EIF3I: variants seen among roughly 807,000 people sequenced by gnomAD.
EIF3I encodes the protein eukaryotic translation initiation factor 3 subunit I.
In EIF3I, 20 loss-of-function variants were observed where a neutral mutation model predicts 43.3. The ratio of observed to expected loss-of-function variants is 0.46; its 90% CI spans 0.32 to 0.67. The LOEUF (loss-of-function observed/expected upper bound fraction) is 0.67, where lower values mean the gene tolerates loss of function less well. Ranked by LOEUF, EIF3I falls within the 30% of genes least tolerant of loss-of-function variation. The pLI, the probability that EIF3I is intolerant of heterozygous loss-of-function variation, is 0.03. For synonymous variants in EIF3I, 167 were observed against 151.7 expected, an observed-to-expected ratio of 1.10 and a Z score of -0.74; for missense variants, 279 against 421.4, an observed-to-expected ratio of 0.66 and a Z score of 2.96.
intron 9 of EIF3I, among the ~76,000 whole-genome samples, chr1:32,230,025 A>G (rs536702022): frequency 6.6e-6 from 1 of 152,304 alleles, no homozygotes; most frequent in East Asian, 1.9e-4. Flanking sequence ...TCAGGCAGAC[A>G]TCTGGGTCCA....
At chr1:32,227,901 C>T (rs1639171624) in intron 6 of EIF3I, among the ~76,000 whole-genome samples, 2 of 152,232 alleles carry the variant, frequency 1.3e-5, no homozygotes, top group Admixed American at 1.3e-4. Context: ...TCCCTTCCCC[C>T]ATGGGGAGAC....
intron 2 of EIF3I, 144 bp downstream of exon 2, chr1:32,222,774 G>A: frequency 1.2e-6 from 1 of 805,532 alleles, no homozygotes; most frequent in Non-Finnish European, 2.0e-6. Flanking sequence ...GGGTAGGTTG[G>A]CGAAAGTATT....
chr1:32,232,340 TACTAGGC>T (rs1233038619), downstream of EIF3I, among the ~76,000 whole-genome samples: 2 of 152,212 alleles, frequency 1.3e-5, no homozygotes, highest in African/African-American at 4.8e-5. Flanking sequence ...TCAGATCTTG[TACTAGGC>T]ACTAGAATAA....
At chr1:32,229,007 G>T in intron 8 of EIF3I, 128 bp from the exon 9 acceptor site, 1 of 1,159,248 alleles carries the variant, frequency 8.6e-7, no homozygotes, top group East Asian at 2.4e-5. Context: ...AGAAGTGTCT[G>T]ATCATCCCCT....
At chr1:32,223,222 C>A (rs377633525) in intron 2 of EIF3I, among the ~76,000 whole-genome samples, 2 of 152,178 alleles carry the variant, frequency 1.3e-5, no homozygotes, top group African/African-American at 4.8e-5. Context: ...TAAGTCAATC[C>A]CATCCTGCTA....
chr1:32,226,510 C>G, exon 6 of EIF3I: 1 of 1,572,160 alleles, frequency 6.4e-7, no homozygotes, highest in Non-Finnish European at 8.6e-7. Context: ...GAGTGGAGAG[C>G]TCAACCAGTA....
At chr1:32,226,826 T>G (rs1309743724) in intron 6 of EIF3I, among the ~76,000 whole-genome samples, 1 of 106,402 alleles carries the variant, frequency 9.4e-6, no homozygotes, top group Non-Finnish European at 2.0e-5. Context: ...GCTCGTGGCT[T>G]TTTTTTTTTT....
At chr1:32,230,757 G>A (rs546819831) in intron 10 of EIF3I, among the ~76,000 whole-genome samples, 170 bp from the exon 10 acceptor site, 42 of 152,272 alleles carry the variant, frequency 2.8e-4, no homozygotes, top group South Asian at 1.7e-3. Flanking sequence ...CCAGGAGGGG[G>A]AGGTTCCAGT....
Position 32,226,400 on chromosome 1 carries a change from C to T in EIF3I, c.401-3C>T. The T allele has an allele frequency of 1.4e-5, 22 of 1,607,950 alleles. No homozygotes were observed. The highest frequency in any genetic ancestry group is 1.9e-5 in the Non-Finnish European group (22 of 1,177,328). Reference sequence around the variant, plus strand: ...AGGGCCTAACATCTACTGCCCCACACAGACAACAATGAGCCCTACATGAAG... The same window carrying T: ...AGGGCCTAACATCTACTGCCCCACATAGACAACAATGAGCCCTACATGAAG... On this transcript the variant is annotated splice_region_variant and splice_polypyrimidine_tract_variant and intron_variant, in intron 5 of 11. Transcript: ENST00000676679.
chr1:32,229,186 A>C (rs2124266988), exon 9 of EIF3I: 1 of 1,614,186 alleles, frequency 6.2e-7, no homozygotes, highest in East Asian at 2.2e-5. Context: ...AACCTCCACC[A>C]GGATTGGCAA....
chr1:32,230,461 A>T (rs989144217), intron 10 of EIF3I, among the ~76,000 whole-genome samples: 5 of 151,616 alleles, frequency 3.3e-5, no homozygotes, highest in Non-Finnish European at 5.9e-5. Context: ...GCCTCAAGTG[A>T]TCCACCCGCC....
At chr1:32,226,566 A>AT in intron 6 of EIF3I, 36 bp downstream of exon 6, 1 of 1,402,614 alleles carries the variant, frequency 7.1e-7, no homozygotes, top group Non-Finnish European at 9.3e-7. Context: ...CTACCAGAAT[A>AT]ATTTTTTTTT....
chr1:32,233,967 C>T (rs1322560031), downstream of EIF3I: 2 of 152,050 alleles, frequency 1.3e-5, no homozygotes, highest in Non-Finnish European at 2.9e-5. Flanking sequence ...TCCTAAAAGA[C>T]AAACCCACTT....
chr1:32,222,558 C>T (rs1180781145), exon 2 of EIF3I: 1 of 1,614,154 alleles, frequency 6.2e-7, no homozygotes, highest in Non-Finnish European at 8.5e-7. Flanking sequence ...TACTGCAGGG[C>T]CATGAGCGGT....
chr1:32,225,306 C>G (rs1639126142), intron 4 of EIF3I, among the ~76,000 whole-genome samples: 1 of 152,196 alleles, frequency 6.6e-6, no homozygotes, highest in Non-Finnish European at 1.5e-5. Flanking sequence ...CAGGTCTATG[C>G]TGGGTACTGG....
intron 3 of EIF3I, 73 bp downstream of exon 3, chr1:32,224,194 G>C: frequency 6.7e-7 from 1 of 1,487,130 alleles, no homozygotes; most frequent in African/African-American, 1.4e-5. Context: ...TGGGAGTTGG[G>C]AGTTGGGGGT....
chr1:32,234,832 A>G (rs553850109), downstream of EIF3I: 2 of 152,460 alleles, frequency 1.3e-5, no homozygotes, highest in South Asian at 4.1e-4. Context: ...CCCATGTACC[A>G]GGCCAGGAAT....
At chr1:32,224,770 A>G (rs1212081125) in intron 4 of EIF3I, among the ~76,000 whole-genome samples, 2 of 151,148 alleles carry the variant, frequency 1.3e-5, no homozygotes, top group African/African-American at 4.9e-5. Context: ...TCCCGGGTTC[A>G]AGGGATTCTC....
chr1:32,228,896 C>T, intron 8 of EIF3I, 80 bp downstream of exon 8: 1 of 1,288,796 alleles, frequency 7.8e-7, no homozygotes, highest in Non-Finnish European at 1.1e-6. Context: ...AGTTGGGCTA[C>T]AACATTGTGG....
Sources: gnomAD v4.1 joint callset for allele counts (sites outside exome capture counted in the v4.1 genomes callset) on GRCh38, gnomAD v4.1.1 for gene constraint, MANE v1.5 for transcripts, NCBI Gene and HGNC (gene_info 2026-07-23, HGNC 2026-07-21) for gene names.